MCTP2: variants seen among roughly 807,000 people sequenced by gnomAD.
MCTP2 encodes the protein multiple C2 and transmembrane domain containing 2, also known as multiple C2 and transmembrane domain-containing protein 2.
A neutral mutation model predicts 111.6 loss-of-function variants in MCTP2; 132 were observed. That is an observed-to-expected ratio of 1.18 (90% CI 1.03 to 1.37). The LOEUF (loss-of-function observed/expected upper bound fraction) is 1.37, where lower values mean the gene tolerates loss of function less well. Ranked by LOEUF, MCTP2 falls within the 40% of genes most tolerant of loss-of-function variation. The probability of loss-of-function intolerance (pLI) is 0.00; values close to 1 mark genes in which losing one functional copy is unlikely to be tolerated. For missense variants in MCTP2, 1,183 were observed against 1,067.9 expected (o/e 1.11, Z -1.50); for synonymous variants, 395 against 387.7 (o/e 1.02, Z -0.22).
At chr15:94,377,234 G>A (rs535811389) in intron 12 of MCTP2, among the ~76,000 whole-genome samples, 7 of 152,208 alleles carry the variant, frequency 4.6e-5, no homozygotes, top group Admixed American at 2.0e-4. Flanking sequence ...GCAATACTTC[G>A]TCTCTTAAAG....
At chr15:94,327,724 G>A (rs1400845437) in intron 4 of MCTP2, among the ~76,000 whole-genome samples, 1 of 152,200 alleles carries the variant, frequency 6.6e-6, no homozygotes, top group African/African-American at 2.4e-5. Context: ...TTAGAGCTGA[G>A]TTTTAAAATG....
intron 19 of MCTP2, among the ~76,000 whole-genome samples, chr15:94,446,592 A>C (rs536062713): frequency 1.3e-5 from 2 of 152,250 alleles, no homozygotes; most frequent in Non-Finnish European, 2.9e-5. Flanking sequence ...AGAAGGTATA[A>C]ATACTTGCAC....
chr15:94,331,725 C>G (rs915208546), intron 4 of MCTP2, among the ~76,000 whole-genome samples: 10 of 152,142 alleles, frequency 6.6e-5, no homozygotes, highest in African/African-American at 2.4e-4. Context: ...TTGCTTGGAG[C>G]TATTACATCT....
At chr15:94,380,972 A>G (rs569812938) in intron 12 of MCTP2, among the ~76,000 whole-genome samples, 1 of 152,224 alleles carries the variant, frequency 6.6e-6, no homozygotes, top group African/African-American at 2.4e-5. Flanking sequence ...CTAAACCTCA[A>G]TGTGAAACTG....
chr15:94,473,716 A>G (rs1047687744), intron 21 of MCTP2, among the ~76,000 whole-genome samples: 1 of 152,208 alleles, frequency 6.6e-6, no homozygotes, highest in Non-Finnish European at 1.5e-5. Flanking sequence ...TTAAGTTTGT[A>G]TCTTCACTTG....
chr15:94,304,285 T>C (rs1354597081), intron 2 of MCTP2, among the ~76,000 whole-genome samples: 6 of 152,000 alleles, frequency 3.9e-5, no homozygotes, highest in South Asian at 2.1e-4. Context: ...CTACTAAAAA[T>C]ATAAAAATTA....
In MCTP2 at chr15:94,340,937, T is replaced by C; in HGVS notation, c.969+13T>C. ...TTTCAAGAGACACGTAAGTGGGACC[T>C]TCTATTCTTTTGAAACCTCTCATTT... On this transcript the variant is annotated intron_variant, in intron 7 of 22. Transcript: ENST00000357742. 6.6e-7 allele frequency: 1 copy of C among 1,514,652 alleles called. No individual in the cohort carries two copies. Among genetic ancestry groups the C allele is most frequent in the Non-Finnish European group, 9.2e-7 (1 of 1,089,956 alleles). 93.8% of individuals were successfully genotyped at this position (1,514,652 alleles called of 1,614,324 possible).
At chr15:94,251,830 T>A (rs943468147) in intron 1 of MCTP2, among the ~76,000 whole-genome samples, 1 of 152,128 alleles carries the variant, frequency 6.6e-6, no homozygotes, top group Non-Finnish European at 1.5e-5. Flanking sequence ...TCATTCTACT[T>A]TCTGTCTCCA....
chr15:94,401,032 G>A (rs573684829), intron 16 of MCTP2, among the ~76,000 whole-genome samples: 1 of 152,092 alleles, frequency 6.6e-6, no homozygotes, highest in African/African-American at 2.4e-5. Flanking sequence ...GGTTGAGGTG[G>A]GTGGGGTAGC....
rs905692910 is a variant in MCTP2, at chr15:94,481,947, A to G, written c.*2913A>G. 6.6e-6 allele frequency: 1 copy of G among 152,216 alleles called. No homozygotes were observed. The highest frequency in any genetic ancestry group is 2.4e-5 in the African/African-American group (1 of 41,464). The allele number at this position is 152,216 out of a possible 1,614,324, so 9.4% of individuals were successfully genotyped here. On this transcript the variant is annotated 3_prime_UTR_variant, in exon 23 of 23. Transcript: ENST00000357742. ...TTGCATTAAGAGCTTATTTTGTGTG[A>G]TATTATTTATAATCCCTGACTATGT...
At chr15:94,237,504 A>C (rs971040900) in intron 1 of MCTP2, among the ~76,000 whole-genome samples, 3 of 152,012 alleles carry the variant, frequency 2.0e-5, no homozygotes, top group African/African-American at 7.3e-5. Context: ...ATGCCCTACA[A>C]ACTATAAATT....
At chr15:94,334,324 T>C (rs996295501) in intron 4 of MCTP2, among the ~76,000 whole-genome samples, 6 of 152,238 alleles carry the variant, frequency 3.9e-5, no homozygotes, top group Non-Finnish European at 7.3e-5. Context: ...TAATTCACCA[T>C]GTACATCTAA....
At chr15:94,390,729 T>TC (rs1230894319) in intron 14 of MCTP2, among the ~76,000 whole-genome samples, 126 of 128,122 alleles carry the variant, frequency 9.8e-4, no homozygotes, top group East Asian at 4.0e-3. Flanking sequence ...TCTTTTCTTT[T>TC]TTTTTTTTTT....
At position 94,390,529 on chromosome 15, in the gene MCTP2, C is replaced by T. The variant is rs1030969438; in HGVS notation, c.1788+5004C>T. Among the ~76,000 whole-genome samples the T allele has an allele frequency of 2.6e-5, 4 of 152,112 alleles. No individual in the cohort carries two copies. The South Asian group carries it at 8.3e-4, about 32-fold the overall frequency. ...TCTGTCCTGAAAATCAGGCTGGATT[C>T]TTCTCCAGGCCATTCCTTTTTATTG... On this transcript the variant is annotated intron_variant, in intron 14 of 22. Coordinates refer to ENST00000357742, the MANE Select transcript of MCTP2 (RefSeq NM_001385001.1).
At chr15:94,353,604 A>G (rs2152420950) in intron 8 of MCTP2, among the ~76,000 whole-genome samples, 1 of 152,144 alleles carries the variant, frequency 6.6e-6, no homozygotes, top group East Asian at 1.9e-4. Flanking sequence ...TGTGGACATT[A>G]CTCCCTTTTT....
intron 17 of MCTP2, among the ~76,000 whole-genome samples, chr15:94,421,509 T>G (rs993143821): frequency 3.3e-5 from 5 of 152,166 alleles, no homozygotes; most frequent in African/African-American, 1.2e-4. Flanking sequence ...TCTTTTTCCA[T>G]CTGGAGGATC....
chr15:94,353,325 G>A (rs1214660544), intron 8 of MCTP2, among the ~76,000 whole-genome samples: 1 of 152,180 alleles, frequency 6.6e-6, no homozygotes, highest in Non-Finnish European at 1.5e-5. Context: ...GCCTGCTACA[G>A]TCCTCAGCCT....
intron 2 of MCTP2, among the ~76,000 whole-genome samples, chr15:94,308,176 T>C (rs1567380968): frequency 6.6e-6 from 1 of 152,172 alleles, no homozygotes; most frequent in African/African-American, 2.4e-5. Context: ...TAACAACCTA[T>C]AAGAATCTGT....
At chr15:94,408,003 G>GT (rs1489454274) in intron 17 of MCTP2, among the ~76,000 whole-genome samples, 3 of 152,176 alleles carry the variant, frequency 2.0e-5, no homozygotes, top group Non-Finnish European at 4.4e-5. Context: ...ATGCAACACT[G>GT]TTTTGAGATT....
Sources: allele counts gnomAD v4.1 joint callset (sites outside exome capture counted in the v4.1 genomes callset), GRCh38; gene constraint gnomAD v4.1.1; transcripts MANE v1.5; gene names NCBI Gene and HGNC (gene_info 2026-07-23, HGNC 2026-07-21).